Variants in AHCTF1 observed in about 807,000 individuals in gnomAD.
AHCTF1 encodes protein ELYS.
AHCTF1 carries 24 observed loss-of-function variants against 248.4 expected under a neutral mutation model. The ratio of observed to expected loss-of-function variants is 0.10; its 90% CI spans 0.07 to 0.14. AHCTF1 has a LOEUF of 0.14. AHCTF1 is among the 10% of genes least tolerant of loss of function. AHCTF1 has a pLI of 1.00. For synonymous variants in AHCTF1, 786 were observed against 929.8 expected (o/e 0.85, Z 2.81); for missense variants, 2,206 against 2,636.2 (o/e 0.84, Z 3.57).
chr1:246,917,843 A>G (rs947789887), intron 2 of AHCTF1, among the ~76,000 whole-genome samples: 1 of 152,252 alleles, frequency 6.6e-6, no homozygotes, highest in Admixed American at 6.5e-5. Flanking sequence ...AAATGAAATC[A>G]GAAAACGAGA....
chr1:246,911,866 A>C (rs1244375453), intron 4 of AHCTF1, among the ~76,000 whole-genome samples: 1 of 152,100 alleles, frequency 6.6e-6, no homozygotes, highest in African/African-American at 2.4e-5. Context: ...TTGCATATTT[A>C]AGTTTTGTTC....
At chr1:246,886,533 G>A (rs752493268) in intron 20 of AHCTF1, among the ~76,000 whole-genome samples, 1 of 152,046 alleles carries the variant, frequency 6.6e-6, no homozygotes, top group African/African-American at 2.4e-5. Flanking sequence ...TTGTTATAGT[G>A]TAACATCTAG....
At chr1:246,849,322 AACTT>A (rs1158795770) in intron 33 of AHCTF1, among the ~76,000 whole-genome samples, 8 of 152,234 alleles carry the variant, frequency 5.3e-5, no homozygotes, top group African/African-American at 1.7e-4. Context: ...TTTTGGAAGA[AACTT>A]AATTAAAAGT....
chr1:246,863,197 G>T (rs1661703226), intron 27 of AHCTF1, among the ~76,000 whole-genome samples: 1 of 152,042 alleles, frequency 6.6e-6, no homozygotes, highest in Non-Finnish European at 1.5e-5. Flanking sequence ...ATTTTAGGAA[G>T]AGCACTTATT....
intron 34 of AHCTF1, among the ~76,000 whole-genome samples, chr1:246,843,156 T>C (rs1324656641): frequency 6.6e-6 from 1 of 152,246 alleles, no homozygotes; most frequent in African/African-American, 2.4e-5. Flanking sequence ...CACACATGGC[T>C]ATTCACAATG....
chr1:246,854,873 C>G (rs950279419), intron 31 of AHCTF1, among the ~76,000 whole-genome samples: 2 of 152,216 alleles, frequency 1.3e-5, no homozygotes, highest in Admixed American at 6.5e-5. Context: ...CCTCTTCCAA[C>G]ATATCGGGAG....
rs894714808 is a variant in AHCTF1 at position 246,879,123 on chromosome 1, A to C, written c.2661-1821T>G. Among the ~76,000 whole-genome samples, 3 of 152,230 alleles carry C rather than the reference A, an allele frequency of 2.0e-5. No homozygotes were observed. In the South Asian group the frequency reaches 6.2e-4, roughly 31 times the overall value. On this transcript the variant is annotated intron_variant, in intron 21 of 35. Coordinates refer to ENST00000648844, the MANE Select transcript of AHCTF1 (RefSeq NM_001323342.2). ...CATACAAAGCGGCTATAAATCAGTA[A>C]GAAAAATCCCAACAACACAGGAAAA...
chr1:246,922,789 T>C (rs909150122), intron 1 of AHCTF1, among the ~76,000 whole-genome samples: 2 of 150,864 alleles, frequency 1.3e-5, no homozygotes, highest in Non-Finnish European at 3.0e-5. Flanking sequence ...GAGACCATCC[T>C]GGATAACACG....
chr1:246,891,058 G>A lies in AHCTF1; in HGVS notation c.1948C>T (p.Leu650=). 1 of 1,546,234 alleles carries A rather than the reference G, an allele frequency of 6.5e-7. No homozygotes were observed. The highest frequency in any genetic ancestry group is 8.7e-7 in the Non-Finnish European group (1 of 1,155,040). ...SEAREITERG[L]IDLSNKFVVS... ...ACAAACTTATTGCTTAAGTCTATCA[G>A]TCCTGTAAAGAAGAGTTAACATCAG... Residue 650 remains leucine (L), a splice_region_variant and synonymous_variant, in exon 16 of 36, where the codon CTG becomes TTG. Coordinates refer to ENST00000648844, the MANE Select transcript of AHCTF1 (RefSeq NM_001323342.2).
chr1:246,861,767 T>TGGGTTTG (rs1661568718), intron 28 of AHCTF1, among the ~76,000 whole-genome samples, 192 bp downstream of exon 28: 1 of 152,246 alleles, frequency 6.6e-6, no homozygotes, highest in Non-Finnish European at 1.5e-5. Context: ...TGTAAGATGA[T>TGGGTTTG]GGGTTTGGCT....
intron 29 of AHCTF1, among the ~76,000 whole-genome samples, chr1:246,859,987 C>T (rs992425224): frequency 2.0e-5 from 3 of 152,036 alleles, no homozygotes; most frequent in Admixed American, 6.5e-5. Context: ...TTTGGCAGGG[C>T]GCGGTGGCTC....
chr1:246,871,951 C>CT (rs1456975701), intron 24 of AHCTF1, among the ~76,000 whole-genome samples: 7 of 151,576 alleles, frequency 4.6e-5, no homozygotes, highest in East Asian at 3.9e-4. Context: ...CCCAGACATC[C>CT]TACTCCACAA....
At chr1:246,857,515 A>T (rs958562848) in intron 30 of AHCTF1, among the ~76,000 whole-genome samples, 176 bp downstream of exon 30, 1 of 152,220 alleles carries the variant, frequency 6.6e-6, no homozygotes, top group African/African-American at 2.4e-5. Context: ...CTTTATAGTA[A>T]CTACTAAATG....
At chr1:246,903,182 G>A (rs192568024) in intron 7 of AHCTF1, among the ~76,000 whole-genome samples, 5 of 152,244 alleles carry the variant, frequency 3.3e-5, no homozygotes, top group East Asian at 3.9e-4. Flanking sequence ...CAGAAAAGTC[G>A]GTTCTAGAGA....
chr1:246,903,613 A>C (rs1324145738), intron 7 of AHCTF1, among the ~76,000 whole-genome samples: 1 of 150,644 alleles, frequency 6.6e-6, no homozygotes, highest in African/African-American at 2.5e-5. Flanking sequence ...GTGGATCACG[A>C]GGTCAGGAGT....
At chr1:246,880,539 G>A (rs1319475354) in intron 21 of AHCTF1, among the ~76,000 whole-genome samples, 1 of 143,944 alleles carries the variant, frequency 6.9e-6, no homozygotes, top group Non-Finnish European at 1.5e-5. Flanking sequence ...ACTCCATCCA[G>A]CCTGGCAGAC....
intron 4 of AHCTF1, among the ~76,000 whole-genome samples, chr1:246,908,851 T>C (rs1481753809): frequency 3.3e-5 from 5 of 150,786 alleles, no homozygotes; most frequent in Non-Finnish European, 7.4e-5. Context: ...TGAGCCAAGA[T>C]TGAGCCACTG....
chr1:246,868,629 A>AC (rs1662220256), intron 24 of AHCTF1, among the ~76,000 whole-genome samples: 3 of 151,540 alleles, frequency 2.0e-5, no homozygotes, highest in African/African-American at 7.3e-5. Context: ...AAAAAAAAAA[A>AC]AGTTATTCTT....
At chr1:246,846,080 C>T (rs997872880) in intron 33 of AHCTF1, among the ~76,000 whole-genome samples, 4 of 147,946 alleles carry the variant, frequency 2.7e-5, no homozygotes, top group Admixed American at 6.9e-5. Context: ...GGGAATCAAA[C>T]GATATATGAA....
Sources: allele counts gnomAD v4.1 joint callset (sites outside exome capture counted in the v4.1 genomes callset), GRCh38; gene constraint gnomAD v4.1.1; transcripts MANE v1.5; gene names NCBI Gene and HGNC (gene_info 2026-07-23, HGNC 2026-07-21).